ICE1: variants seen among roughly 807,000 people sequenced by gnomAD.
ICE1 encodes interactor of little elongation complex ELL subunit 1, also known as little elongation complex subunit 1.
Under a neutral mutation model 192.7 loss-of-function variants are expected in ICE1, and 64 were observed. The observed-to-expected ratio is 0.33, with a 90% confidence interval of 0.27 to 0.41. The LOEUF is 0.41. Among genes scored for constraint, ICE1 ranks in the 10% least tolerant of loss-of-function variants. ICE1 has a pLI of 1.00. For synonymous variants in ICE1, 1,010 were observed against 984.5 expected (o/e 1.03, Z -0.49); for missense variants, 2,708 against 2,696.0 (o/e 1.00, Z -0.10).
chr5:5,445,303 A>G (rs1034365063), intron 7 of ICE1, among the ~76,000 whole-genome samples: 1 of 152,230 alleles, frequency 6.6e-6, no homozygotes. Context: ...TTGCATGAAT[A>G]CTGACAATAT....
In ICE1 at chr5:5,489,418, T is replaced by G. The variant is rs1447011139; in HGVS notation, c.*88T>G. On this transcript the variant is annotated 3_prime_UTR_variant, in exon 19 of 19. Coordinates refer to ENST00000296564, the MANE Select transcript of ICE1 (RefSeq NM_015325.3). ...AGCTTTCAGAATACAAAGGGAGGTTTCAAAACAAAAAGACATAAAATAGAT... is the reference window on the plus strand; with the variant it reads ...AGCTTTCAGAATACAAAGGGAGGTTGCAAAACAAAAAGACATAAAATAGAT... 8.2e-7 allele frequency: 1 copy of G among 1,221,634 alleles called. No homozygotes were observed. The highest frequency in any genetic ancestry group is 2.6e-5 in the East Asian group (1 of 38,704). 75.7% of individuals were successfully genotyped at this position (1,221,634 alleles called of 1,614,324 possible). A position where few individuals can be genotyped will look rare whatever the true frequency, so the allele number is the denominator to read the frequency against.
At chr5:5,478,450 G>A (rs1436741378) in intron 17 of ICE1, among the ~76,000 whole-genome samples, 2 of 152,098 alleles carry the variant, frequency 1.3e-5, no homozygotes, top group Non-Finnish European at 2.9e-5. Flanking sequence ...ACTGCTCAAG[G>A]AAAAAGGACA....
chr5:5,426,258 A>G (rs1737514214), intron 1 of ICE1, among the ~76,000 whole-genome samples: 1 of 152,236 alleles, frequency 6.6e-6, no homozygotes, highest in South Asian at 2.1e-4. Flanking sequence ...CAGCTTGGCC[A>G]AGATGGTGAA....
At chr5:5,447,818 C>A in intron 9 of ICE1, 23 bp from the exon 10 acceptor site, 1 of 1,572,364 alleles carries the variant, frequency 6.4e-7, no homozygotes, top group East Asian at 2.3e-5. Context: ...ATTTTATTAA[C>A]CGTTTTTTCC....
intron 11 of ICE1, 145 bp from the exon 12 acceptor site, chr5:5,457,187 C>T (rs1256239185): frequency 1.4e-5 from 10 of 693,020 alleles, no homozygotes; most frequent in African/African-American, 1.8e-5. Flanking sequence ...GTTTAGAAAG[C>T]GATTGGTTGC....
At chr5:5,455,361 C>T (rs1289508786) in intron 11 of ICE1, among the ~76,000 whole-genome samples, 2 of 152,154 alleles carry the variant, frequency 1.3e-5, no homozygotes, top group Non-Finnish European at 2.9e-5. Flanking sequence ...AGATGTTTCC[C>T]TCAGTTCACC....
At chr5:5,457,293 T>C (rs1313320772) in intron 11 of ICE1, 39 bp from the exon 12 acceptor site, 11 of 1,498,434 alleles carry the variant, frequency 7.3e-6, no homozygotes, top group Non-Finnish European at 9.8e-6. Context: ...TTTCTTGATA[T>C]TGTAAATACC....
chr5:5,428,038 G>C (rs559777503), intron 1 of ICE1, among the ~76,000 whole-genome samples: 1 of 152,226 alleles, frequency 6.6e-6, no homozygotes, highest in Admixed American at 6.5e-5. Context: ...GATGGAGGGA[G>C]AGTGTTGTAG....
chr5:5,480,411 G>A (rs1002200780), intron 17 of ICE1, among the ~76,000 whole-genome samples: 4 of 151,762 alleles, frequency 2.6e-5, no homozygotes, highest in African/African-American at 7.3e-5. Flanking sequence ...CACCACGCCC[G>A]GCTAATTTTT....
intron 16 of ICE1, among the ~76,000 whole-genome samples, chr5:5,475,030 G>C (rs1010413974): frequency 6.6e-6 from 1 of 152,202 alleles, no homozygotes; most frequent in East Asian, 1.9e-4. Flanking sequence ...AGTCTGTCCA[G>C]TGCCAGTCTG....
intron 16 of ICE1, among the ~76,000 whole-genome samples, chr5:5,474,134 CG>C (rs1348408882): frequency 1.3e-5 from 2 of 150,784 alleles, no homozygotes; most frequent in African/African-American, 4.9e-5. Flanking sequence ...GGTGTGAGCC[CG>C]GGAGGCAGAG....
At position 5,436,457 on chromosome 5, in the gene ICE1, CA is replaced by C; in HGVS notation, c.130del (p.Ile44LeufsTer8). 5 of 1,483,450 alleles carry C rather than the reference CA, an allele frequency of 3.4e-6. No individual in the cohort carries two copies. Among genetic ancestry groups the C allele is most frequent in the Middle Eastern group, 1.8e-4 (1 of 5,674 alleles). The allele number at this position is 1,483,450 out of a possible 1,614,324, so 91.9% of individuals were successfully genotyped here. On this transcript the variant is annotated frameshift_variant, in exon 2 of 19. Transcript: ENST00000296564. LOFTEE classifies it high-confidence loss of function. ...TGTTGAAGCATTAATTACCTTGAAA[CA>C]AAAAATTATCAATACAGAGTAAGTA... ...EYVEALITLKQKIINTDNLLT... is the reference protein window; with the variant it reads ...EYVEALITLKXKIINTDNLLT...
intron 1 of ICE1, among the ~76,000 whole-genome samples, chr5:5,435,709 A>T (rs1198235305): frequency 7.3e-6 from 1 of 136,284 alleles, no homozygotes; most frequent in Non-Finnish European, 1.5e-5. Context: ...ATGGAATCTC[A>T]CTGTCACTGG....
At chr5:5,479,932 G>T (rs901828075) in intron 17 of ICE1, among the ~76,000 whole-genome samples, 1 of 152,050 alleles carries the variant, frequency 6.6e-6, no homozygotes, top group Non-Finnish European at 1.5e-5. Flanking sequence ...ACTGGGGCCT[G>T]TCGGGGCATG....
intron 17 of ICE1, among the ~76,000 whole-genome samples, chr5:5,478,544 T>G (rs2111401672): frequency 6.6e-6 from 1 of 152,324 alleles, no homozygotes; most frequent in Middle Eastern, 3.4e-3. Flanking sequence ...ATTTATAGAT[T>G]CAATGCTATT....
intron 17 of ICE1, among the ~76,000 whole-genome samples, chr5:5,476,793 G>GTGAGATT (rs1445394771): frequency 6.6e-6 from 1 of 152,138 alleles, no homozygotes; most frequent in Non-Finnish European, 1.5e-5. Flanking sequence ...ACAATTCAAC[G>GTGAGATT]TGAGATTTGG....
chr5:5,437,248 C>T, intron 3 of ICE1, 134 bp downstream of exon 3: 1 of 632,284 alleles, frequency 1.6e-6, no homozygotes, highest in Non-Finnish European at 2.8e-6. Context: ...GAGCATGTCT[C>T]ACAAGCACAG....
At chr5:5,437,194 C>T in intron 3 of ICE1, 80 bp downstream of exon 3, 1 of 1,080,334 alleles carries the variant, frequency 9.3e-7, no homozygotes, top group Non-Finnish European at 1.4e-6. Context: ...AGAATTGTTC[C>T]TCATAGGCCT....
At chr5:5,450,494 A>G (rs115306010) in intron 10 of ICE1, among the ~76,000 whole-genome samples, 33 of 152,264 alleles carry the variant, frequency 2.2e-4, no homozygotes, top group African/African-American at 7.2e-4. Context: ...ACAGAAACAG[A>G]AGGAGAGAAG....
Sources: gnomAD v4.1 joint callset for allele counts (sites outside exome capture counted in the v4.1 genomes callset) on GRCh38, gnomAD v4.1.1 for gene constraint, MANE v1.5 for transcripts, NCBI Gene and HGNC (gene_info 2026-07-23, HGNC 2026-07-21) for gene names.